The following ST6GALNAC3 variants were observed in gnomAD, a reference collection of about 807,000 sequenced individuals.
ST6GALNAC3 encodes the protein alpha-N-acetylgalactosaminide alpha-2,6-sialyltransferase 3.
A neutral mutation model predicts 32.7 loss-of-function variants in ST6GALNAC3; 25 were observed. The ratio of observed to expected loss-of-function variants is 0.76; its 90% CI spans 0.56 to 1.07. ST6GALNAC3 has a LOEUF of 1.07. Ranked by LOEUF, ST6GALNAC3 falls within the 50% of genes least tolerant of loss-of-function variation. ST6GALNAC3 has a pLI of 0.00. For synonymous variants in ST6GALNAC3, 129 were observed against 133.1 expected (o/e 0.97, Z 0.21); for missense variants, 355 against 382.4 (o/e 0.93, Z 0.60).
At chr1:76,505,137 T>C (rs538251958) in intron 3 of ST6GALNAC3, among the ~76,000 whole-genome samples, 15 of 152,108 alleles carry the variant, frequency 9.9e-5, no homozygotes, top group African/African-American at 2.7e-4. Flanking sequence ...GCTTTTTTTT[T>C]TTTTCAGACA....
chr1:76,244,269 A>C (rs1283930064), intron 1 of ST6GALNAC3, among the ~76,000 whole-genome samples: 1 of 152,064 alleles, frequency 6.6e-6, no homozygotes, highest in Non-Finnish European at 1.5e-5. Flanking sequence ...GGTGTATAGG[A>C]ATGCTCGTGA....
At chr1:76,473,032 G>A (rs974876935) in intron 3 of ST6GALNAC3, among the ~76,000 whole-genome samples, 24 of 152,076 alleles carry the variant, frequency 1.6e-4, no homozygotes, top group African/African-American at 5.3e-4. Context: ...GATAGAAGGG[G>A]CTTCTTGTTC....
At chr1:76,474,581 G>T (rs1659230592) in intron 3 of ST6GALNAC3, among the ~76,000 whole-genome samples, 1 of 152,170 alleles carries the variant, frequency 6.6e-6, no homozygotes, top group African/African-American at 2.4e-5. Context: ...CTCCTAAGCA[G>T]CTGGAGATAC....
chr1:76,467,086 G>A (rs781351567), intron 3 of ST6GALNAC3, among the ~76,000 whole-genome samples: 12 of 151,916 alleles, frequency 7.9e-5, no homozygotes, highest in Admixed American at 1.3e-4. Context: ...GCATTTATAT[G>A]ATCTAATTTA....
Position 76,597,046 on chromosome 1 carries a change from A to T in ST6GALNAC3, c.624-30406A>T, listed in dbSNP as rs1647148606. ...ATTCATAAAAGGGAAGAAAATCCAT[A>T]GTTTAGTCTGAGTCTAAAAGCATAA... On this transcript the variant is annotated intron_variant, in intron 3 of 4. Transcript: ENST00000328299. Among the ~76,000 whole-genome samples, 4 of 152,184 alleles carry T rather than the reference A, an allele frequency of 2.6e-5. No individual in the cohort carries two copies. The South Asian group carries it at 8.3e-4, about 32-fold the overall frequency.
chr1:76,583,824 A>T (rs1646924596), intron 3 of ST6GALNAC3, among the ~76,000 whole-genome samples: 1 of 152,224 alleles, frequency 6.6e-6, no homozygotes, highest in Admixed American at 6.5e-5. Context: ...TTTTCCTACA[A>T]TATGACATTT....
chr1:76,628,382 G>T (rs1649108471), intron 4 of ST6GALNAC3, among the ~76,000 whole-genome samples: 1 of 151,904 alleles, frequency 6.6e-6, no homozygotes, highest in African/African-American at 2.4e-5. Context: ...ATAGCCATAT[G>T]TTTGAATGTA....
intron 3 of ST6GALNAC3, among the ~76,000 whole-genome samples, chr1:76,506,145 A>C (rs112365684): frequency 6.6e-6 from 1 of 152,144 alleles, no homozygotes; most frequent in Admixed American, 6.5e-5. Flanking sequence ...TACATGTAGA[A>C]CCCTTTACTC....
rs73004215 is a variant in ST6GALNAC3, at chr1:76,346,513, G to A, written c.213+32514G>A. 4.5e-3 allele frequency among the ~76,000 whole-genome samples: 687 copies of A among 152,328 alleles called. 6 individuals are homozygous for A. Among genetic ancestry groups the A allele is most frequent in the African/African-American group, 0.016 (663 of 41,566 alleles). ...AGGACTATAAGGCAGATATAACTGC[G>A]TAAAGCAAAACATAGACTTATAAGG... On this transcript the variant is annotated intron_variant, in intron 2 of 4. Transcript: ENST00000328299.
chr1:76,163,652 C>T (rs1260713369), intron 1 of ST6GALNAC3, among the ~76,000 whole-genome samples: 1 of 151,888 alleles, frequency 6.6e-6, no homozygotes, highest in Non-Finnish European at 1.5e-5. Flanking sequence ...TATTTTTTTT[C>T]TGTGTTGGTG....
At chr1:76,405,060 A>C (rs909467611) in intron 2 of ST6GALNAC3, among the ~76,000 whole-genome samples, 2 of 152,234 alleles carry the variant, frequency 1.3e-5, no homozygotes, top group Admixed American at 1.3e-4. Context: ...GATAGATTAG[A>C]GCTATCCAAT....
At chr1:76,378,156 A>C (rs1393511579) in intron 2 of ST6GALNAC3, among the ~76,000 whole-genome samples, 1 of 152,170 alleles carries the variant, frequency 6.6e-6, no homozygotes, top group East Asian at 1.9e-4. Flanking sequence ...GATATGGAGT[A>C]CAAAGAGTGA....
chr1:76,223,315 G>T (rs1655885042), intron 1 of ST6GALNAC3, among the ~76,000 whole-genome samples: 1 of 152,114 alleles, frequency 6.6e-6, no homozygotes, highest in East Asian at 1.9e-4. Context: ...AATACTGTAT[G>T]TTCTCTCTTA....
intron 3 of ST6GALNAC3, among the ~76,000 whole-genome samples, chr1:76,612,451 CA>C (rs1340320781): frequency 6.6e-6 from 1 of 152,158 alleles, no homozygotes; most frequent in East Asian, 1.9e-4. Flanking sequence ...AGCTAAAAGT[CA>C]AATGACATTC....
At chr1:76,228,384 C>T (rs1570506362) in intron 1 of ST6GALNAC3, among the ~76,000 whole-genome samples, 1 of 152,186 alleles carries the variant, frequency 6.6e-6, no homozygotes, top group East Asian at 1.9e-4. Flanking sequence ...GTTTATGGCA[C>T]AAATCTGATT....
chr1:76,419,958 T>G (rs1431218943), intron 3 of ST6GALNAC3, among the ~76,000 whole-genome samples: 1 of 143,890 alleles, frequency 6.9e-6, no homozygotes, highest in Non-Finnish European at 1.5e-5. Context: ...TTTTTTTTTT[T>G]GTTTGTTTGT....
intron 3 of ST6GALNAC3, among the ~76,000 whole-genome samples, chr1:76,564,190 G>A (rs147722937): frequency 1.1e-3 from 173 of 152,306 alleles, no homozygotes; most frequent in Non-Finnish European, 1.3e-3. Flanking sequence ...ACACAAAGCA[G>A]GTGAAGCTTG....
intron 2 of ST6GALNAC3, among the ~76,000 whole-genome samples, chr1:76,328,736 T>C (rs971725172): frequency 2.6e-5 from 4 of 152,142 alleles, no homozygotes; most frequent in African/African-American, 9.7e-5. Flanking sequence ...AATTTTGAAT[T>C]AGGTGGAAAT....
chr1:76,406,192 C>T (rs1653822366), intron 2 of ST6GALNAC3, among the ~76,000 whole-genome samples: 1 of 152,054 alleles, frequency 6.6e-6, no homozygotes, highest in African/African-American at 2.4e-5. Flanking sequence ...TTAGAGACCT[C>T]TTGACAGTCT....
Sources: allele counts gnomAD v4.1 joint callset (sites outside exome capture counted in the v4.1 genomes callset), GRCh38; gene constraint gnomAD v4.1.1; transcripts MANE v1.5; gene names NCBI Gene and HGNC (gene_info 2026-07-23, HGNC 2026-07-21).